The following TAOK1 variants were observed in gnomAD, a reference collection of about 807,000 sequenced individuals.
TAOK1 encodes the protein serine/threonine-protein kinase TAO1.
TAOK1 carries 21 observed loss-of-function variants against 138.3 expected under a neutral mutation model. The observed-to-expected ratio is 0.15, with a 90% confidence interval of 0.11 to 0.22. The LOEUF is 0.22. Ranked by LOEUF, TAOK1 falls within the 10% of genes least tolerant of loss-of-function variation. The probability of loss-of-function intolerance (pLI) is 1.00; values close to 1 mark genes in which losing one functional copy is unlikely to be tolerated. For missense variants in TAOK1, 651 were observed against 1,227.7 expected (o/e 0.53, Z 7.02); for synonymous variants, 361 against 398.4 (o/e 0.91, Z 1.12).
rs182621688 is a variant in TAOK1 at position 29,526,971 on chromosome 17, A to T, written c.2149-3436A>T. The stretch of plus-strand genomic sequence containing the variant: ...TGAAACCCCATCTCTACTAAAAATT[A>T]AAAAATTAGCTGGGTGTGGTGGCAT... On this transcript the variant is annotated intron_variant, in intron 17 of 19. Coordinates refer to ENST00000261716, the MANE Select transcript of TAOK1 (RefSeq NM_020791.4). Among the ~76,000 whole-genome samples, 439 of 152,148 alleles carry T rather than the reference A, an allele frequency of 2.9e-3. 5 individuals carry two copies. Among genetic ancestry groups the T allele is most frequent in the African/African-American group, 9.9e-3 (411 of 41,526 alleles).
In TAOK1 at chr17:29,551,159, C is replaced by G. The variant is rs936867576; in HGVS notation, c.*8137C>G. ...CTTTTCTAAAAGTGGTATCTGTTAT[C>G]CACAATGTATTTTAGTTATTCCCAC... On this transcript the variant is annotated 3_prime_UTR_variant, in exon 20 of 20. Coordinates refer to ENST00000261716, the MANE Select transcript of TAOK1 (RefSeq NM_020791.4). The G allele has an allele frequency of 6.6e-6, 1 of 152,216 alleles. No homozygotes were observed. The highest frequency in any genetic ancestry group is 2.4e-5 in the African/African-American group (1 of 41,520). 9.4% of individuals were successfully genotyped at this position (152,216 alleles called of 1,614,324 possible). A position where few individuals can be genotyped will look rare whatever the true frequency, so the allele number is the denominator to read the frequency against.
At chr17:29,536,925 C>G (rs1369489784) in intron 19 of TAOK1, among the ~76,000 whole-genome samples, 1 of 152,132 alleles carries the variant, frequency 6.6e-6, no homozygotes, top group South Asian at 2.1e-4. Flanking sequence ...TGGTCTCGAT[C>G]TCCTGACCTC....
At chr17:29,466,503 C>G (rs1423331061) in intron 2 of TAOK1, among the ~76,000 whole-genome samples, 1 of 152,116 alleles carries the variant, frequency 6.6e-6, no homozygotes, top group Non-Finnish European at 1.5e-5. Flanking sequence ...ATTTGGTTTG[C>G]TAATTTTAGA....
intron 1 of TAOK1, among the ~76,000 whole-genome samples, chr17:29,411,467 C>T (rs574866067): frequency 1.3e-5 from 2 of 151,958 alleles, no homozygotes; most frequent in African/African-American, 4.8e-5. Flanking sequence ...TCTCAGCTTA[C>T]TGCAACCTCT....
intron 1 of TAOK1, among the ~76,000 whole-genome samples, chr17:29,410,311 C>T (rs1905105651): frequency 6.6e-6 from 1 of 152,194 alleles, no homozygotes; most frequent in African/African-American, 2.4e-5. Flanking sequence ...AGCACAATGG[C>T]ATGATCTTGG....
intron 1 of TAOK1, among the ~76,000 whole-genome samples, chr17:29,427,977 C>T (rs1222240979): frequency 6.6e-6 from 1 of 151,408 alleles, no homozygotes; most frequent in African/African-American, 2.4e-5. Context: ...TATTAAGTTG[C>T]TCGCAGACTG....
chr17:29,450,211 C>A (rs2030197913), intron 1 of TAOK1, among the ~76,000 whole-genome samples: 1 of 151,838 alleles, frequency 6.6e-6, no homozygotes, highest in Admixed American at 6.6e-5. Context: ...CTCAGTCTCC[C>A]AAGTAGCTAG....
chr17:29,538,995 C>G (rs1432821479), intron 19 of TAOK1, among the ~76,000 whole-genome samples: 1 of 152,068 alleles, frequency 6.6e-6, no homozygotes, highest in African/African-American at 2.4e-5. Flanking sequence ...CAGTGGCTTA[C>G]ACTGTAATCC....
At chr17:29,533,419 C>T (rs2032163715) in intron 18 of TAOK1, among the ~76,000 whole-genome samples, 1 of 152,042 alleles carries the variant, frequency 6.6e-6, no homozygotes, top group African/African-American at 2.4e-5. Flanking sequence ...CAGAGACGCT[C>T]CTCACTTCCC....
rs1447853949 is a variant in TAOK1 at position 29,390,979 on chromosome 17, A to AG, written c.-135dup. On this transcript the variant is annotated 5_prime_UTR_variant, in exon 1 of 20. Transcript: ENST00000261716. The stretch of plus-strand genomic sequence containing the variant: ...AGGGTAGCGGCTACCGGAGCGCTGC[A>AG]GGGGGCTGCGCCTGCCTGCTCCGCC... 2 of 152,114 alleles carry AG rather than the reference A, an allele frequency of 1.3e-5. No individual in the cohort carries two copies. Among genetic ancestry groups the AG allele is most frequent in the Non-Finnish European group, 2.9e-5 (2 of 68,088 alleles). The allele number at this position is 152,114 out of a possible 1,614,324, so 9.4% of individuals were successfully genotyped here.
chr17:29,428,842 T>C (rs1333672848), intron 1 of TAOK1, among the ~76,000 whole-genome samples: 1 of 151,718 alleles, frequency 6.6e-6, no homozygotes, highest in Non-Finnish European at 1.5e-5. Flanking sequence ...TGCCCAGGCT[T>C]GTCTCGAACT....
chr17:29,544,010 A>AC lies in TAOK1; in HGVS notation c.*992dup, dbSNP rs1452134401. ...CTAGCTAAGCTCTATAATGCCCAAG[A>AC]CCCCAAACAGTACTTTTACTTTGTT... On this transcript the variant is annotated 3_prime_UTR_variant, in exon 20 of 20. Coordinates refer to ENST00000261716, the MANE Select transcript of TAOK1 (RefSeq NM_020791.4). 1 of 152,502 alleles carries AC rather than the reference A, an allele frequency of 6.6e-6. No homozygotes were observed. Among genetic ancestry groups the AC allele is most frequent in the African/African-American group, 2.4e-5 (1 of 41,414 alleles). The allele number at this position is 152,502 out of a possible 1,614,324, so 9.4% of individuals were successfully genotyped here.
intron 15 of TAOK1, among the ~76,000 whole-genome samples, chr17:29,515,171 T>A (rs901009323): frequency 6.6e-6 from 1 of 152,176 alleles, no homozygotes; most frequent in Non-Finnish European, 1.5e-5. Flanking sequence ...ATGCTGAAAA[T>A]TAAATACCAT....
At chr17:29,408,617 ATAGAG>A (rs572329903) in intron 1 of TAOK1, among the ~76,000 whole-genome samples, 327 of 152,186 alleles carry the variant, frequency 2.1e-3, no homozygotes, top group African/African-American at 7.5e-3. Flanking sequence ...CACTTTAATA[ATAGAG>A]TAATTTTTAC....
At position 29,543,685 on chromosome 17, in the gene TAOK1, G is replaced by T. The variant is rs914183667; in HGVS notation, c.*663G>T. ...TCCATGAACACTAAAGGACTTCATT[G>T]ATTTTTTCAGAGAGTAGAAAACAAC... On this transcript the variant is annotated 3_prime_UTR_variant, in exon 20 of 20. Transcript: ENST00000261716. The T allele has an allele frequency of 6.6e-6, 1 of 152,306 alleles. No individual in the cohort carries two copies. The highest frequency in any genetic ancestry group is 1.5e-5 in the Non-Finnish European group (1 of 68,012). The allele number at this position is 152,306 out of a possible 1,614,324, so 9.4% of individuals were successfully genotyped here.
At chr17:29,433,821 C>T (rs1905934319) in intron 1 of TAOK1, among the ~76,000 whole-genome samples, 2 of 152,126 alleles carry the variant, frequency 1.3e-5, no homozygotes, top group African/African-American at 2.4e-5. Context: ...TCTCATTTCC[C>T]CTCTAATCTA....
rs147697751 is a variant in TAOK1 at position 29,407,438 on chromosome 17, A to T, written c.-95+16414A>T. On this transcript the variant is annotated intron_variant, in intron 1 of 19. Transcript: ENST00000261716. ...TATACCCAATTGCCTGACGGAGATA[A>T]TCTTTTTTTATTTTTATATTTTTTT... Among the ~76,000 whole-genome samples the T allele has an allele frequency of 1.8e-3, 273 of 151,954 alleles. 2 individuals are homozygous for T. The Middle Eastern group carries it at 0.041, about 23-fold the overall frequency.
intron 2 of TAOK1, among the ~76,000 whole-genome samples, chr17:29,464,939 A>C: frequency 6.7e-6 from 1 of 149,518 alleles, no homozygotes; most frequent in East Asian, 2.0e-4. Context: ...TTGTGCCTCA[A>C]CCTCCCGAGT....
intron 1 of TAOK1, among the ~76,000 whole-genome samples, chr17:29,432,519 A>T (rs550390695): frequency 8.8e-4 from 134 of 152,322 alleles, no homozygotes; most frequent in Middle Eastern, 3.4e-3. Context: ...TTCCCAACAG[A>T]TGGGGTTTCA....
Sources: allele counts gnomAD v4.1 joint callset (sites outside exome capture counted in the v4.1 genomes callset), GRCh38; gene constraint gnomAD v4.1.1; transcripts MANE v1.5; gene names NCBI Gene and HGNC (gene_info 2026-07-23, HGNC 2026-07-21).